Variants in RLF observed in about 807,000 individuals in gnomAD.
RLF encodes RLF zinc finger, also known as zinc finger protein Rlf.
RLF carries 7 observed loss-of-function variants against 162.9 expected under a neutral mutation model. The ratio of observed to expected loss-of-function variants is 0.04; its 90% CI spans 0.02 to 0.08. RLF has a LOEUF of 0.08. Ranked by LOEUF, RLF falls within the 10% of genes least tolerant of loss-of-function variation. RLF has a pLI of 1.00. For missense variants in RLF, 1,664 were observed against 2,244.7 expected (o/e 0.74, Z 5.23); for synonymous variants, 782 against 791.5 (o/e 0.99, Z 0.20).
At chr1:40,175,391 CT>C (rs1156935096) in intron 1 of RLF, among the ~76,000 whole-genome samples, 6 of 152,274 alleles carry the variant, frequency 3.9e-5, no homozygotes, top group African/African-American at 1.4e-4. Context: ...TGGCTCACAT[CT>C]GTAATCCCAG....
chr1:40,237,361 A>G lies in RLF; in HGVS notation c.2659A>G (p.Asn887Asp). Residue 887 changes from asparagine (N) to aspartate (D), a missense_variant, in exon 8 of 8, where the codon AAC becomes GAC. Transcript: ENST00000372771. This position sits in a 1 kb window ranked among gnomAD's most constrained non-coding sequence, Gnocchi z 4.4. ...TCAAATAGATACAGAAACTGCAGAA[A>G]ACCTGAAAGAAAACAGTGACAGTAA... ...NSQIDTETAE[N>D]LKENSDSNSS... 1.2e-6 allele frequency: 2 copies of G among 1,613,880 alleles called. No individual in the cohort carries two copies. Among genetic ancestry groups the G allele is most frequent in the Non-Finnish European group, 1.7e-6 (2 of 1,179,938 alleles).
At chr1:40,191,024 T>G (rs1033599522) in intron 3 of RLF, among the ~76,000 whole-genome samples, 171 bp downstream of exon 3, 1 of 152,030 alleles carries the variant, frequency 6.6e-6, no homozygotes, top group Non-Finnish European at 1.5e-5. Flanking sequence ...TAAAAATGGG[T>G]TTTTTAAATT....
chr1:40,207,213 A>G (rs557701832), intron 5 of RLF, among the ~76,000 whole-genome samples: 1 of 152,356 alleles, frequency 6.6e-6, no homozygotes, highest in Non-Finnish European at 1.5e-5. Context: ...TACTTATTGA[A>G]TGAATTAATG....
intron 3 of RLF, among the ~76,000 whole-genome samples, chr1:40,195,041 G>A (rs879371613): frequency 2.0e-5 from 3 of 151,486 alleles, no homozygotes; most frequent in Non-Finnish European, 2.9e-5. Context: ...TGTCATTTTG[G>A]CCACGCTGGT....
chr1:40,210,180 T>C (rs185596893), intron 5 of RLF, among the ~76,000 whole-genome samples: 77 of 152,356 alleles, frequency 5.1e-4, no homozygotes, highest in African/African-American at 1.4e-3. Flanking sequence ...GTTTTGTTTC[T>C]AATGTTGTAT....
intron 5 of RLF, among the ~76,000 whole-genome samples, chr1:40,221,744 T>TA (rs1199119802): frequency 6.6e-6 from 1 of 151,190 alleles, no homozygotes; most frequent in Non-Finnish European, 1.5e-5. Context: ...ACTAAAAATA[T>TA]AAAAAATTAG....
chr1:40,194,440 A>AC (rs1275841990), intron 3 of RLF, among the ~76,000 whole-genome samples: 1 of 152,062 alleles, frequency 6.6e-6, no homozygotes, highest in African/African-American at 2.4e-5. Context: ...GGAGTTCGAG[A>AC]CCAGCCAGGA....
Position 40,239,888 on chromosome 1 carries a change from G to A in RLF, c.5186G>A (p.Arg1729Lys). Reference sequence around the variant, plus strand: ...CCAAGGATCAAAGAATCAGAAACTAGGCAGCATAGTTCAGGGCAAGAAAAC... The same window carrying A: ...CCAAGGATCAAAGAATCAGAAACTAAGCAGCATAGTTCAGGGCAAGAAAAC... ...PLPRIKESET[R>K]QHSSGQENTV... is the part of the protein sequence containing the mutation. The change falls in exon 8 of 8, where the codon AGG becomes AAG. Residue 1729 changes from arginine to lysine, a missense_variant. Coordinates refer to ENST00000372771, the MANE Select transcript of RLF (RefSeq NM_012421.4). 2 of 1,613,802 alleles carry A rather than the reference G, an allele frequency of 1.2e-6. No individual in the cohort carries two copies. The highest frequency in any genetic ancestry group is 1.7e-6 in the Non-Finnish European group (2 of 1,180,018).
At chr1:40,215,640 G>A (rs1379251377) in intron 5 of RLF, among the ~76,000 whole-genome samples, 3 of 151,974 alleles carry the variant, frequency 2.0e-5, no homozygotes, top group African/African-American at 7.3e-5. Context: ...GAGTGCAGTG[G>A]CAGAATCATA....
chr1:40,238,107 A>G lies in RLF; in HGVS notation c.3405A>G (p.Lys1135=), dbSNP rs758740672. Residue 1135 remains lysine (K), a synonymous_variant, in exon 8 of 8, where the codon AAA becomes AAG. Transcript: ENST00000372771. This position sits in a 1 kb window ranked among gnomAD's most constrained non-coding sequence, Gnocchi z 5.2. ...KPFFCELQGC[K]YEFVTREALL... is the part of the protein sequence containing the mutation. ...TTTTCTGTGAGCTTCAAGGATGCAA[A>G]TATGAATTTGTGACCAGAGAGGCTC... is the stretch of plus-strand genomic sequence containing the variant. 3.3e-5 allele frequency: 54 copies of G among 1,613,926 alleles called. No homozygotes were observed. In the Admixed American group the frequency reaches 8.8e-4, roughly 26 times the overall value.
chr1:40,215,971 T>A (rs1642919179), intron 5 of RLF, among the ~76,000 whole-genome samples: 1 of 150,628 alleles, frequency 6.6e-6, no homozygotes. Context: ...GAATAGAAAA[T>A]CAATAAAGAA....
intron 2 of RLF, among the ~76,000 whole-genome samples, chr1:40,190,412 C>A (rs1642540117): frequency 6.6e-6 from 1 of 152,088 alleles, no homozygotes; most frequent in South Asian, 2.1e-4. Flanking sequence ...ATTTTATCAG[C>A]TGAATTGACA....
Position 40,236,562 on chromosome 1 carries a change from G to A in RLF, c.1860G>A (p.Leu620=). Residue 620 remains leucine, a synonymous_variant, in exon 8 of 8, where the codon CTG becomes CTA. Transcript: ENST00000372771. The surrounding 1 kb of genome is among the most constrained non-coding windows in gnomAD (Gnocchi z 7.7). ...GGGACCGCTCTAAAAAGAAATTACT[G>A]TTAAAAGGCTCTCAAAAGGGTATTT... is the stretch of plus-strand genomic sequence containing the variant. ...SRRDRSKKKL[L]LKGSQKGICP... is the part of the protein sequence containing the mutation. 6.2e-7 allele frequency: 1 copy of A among 1,614,120 alleles called. No individual in the cohort carries two copies. The highest frequency in any genetic ancestry group is 1.6e-4 in the Middle Eastern group (1 of 6,062).
At chr1:40,202,334 A>T (rs909438671) in intron 4 of RLF, 78 bp from the exon 5 acceptor site, 5 of 886,608 alleles carry the variant, frequency 5.6e-6, no homozygotes, top group Non-Finnish European at 6.8e-6. Flanking sequence ...AAATAAAAAG[A>T]TCTCAAACTT....
rs752385490 is a variant in RLF at position 40,161,413 on chromosome 1, A to G, written c.14A>G (p.Lys5Arg). The G allele has an allele frequency of 3.8e-5, 58 of 1,544,958 alleles. No individual in the cohort carries two copies. The highest frequency in any genetic ancestry group is 7.8e-6 in the Non-Finnish European group (9 of 1,151,628). Residue 5 changes from lysine to arginine, a missense_variant, in exon 1 of 8, where the codon AAG becomes AGG. This residue lies in a region of RLF where 134 missense variants were observed against 124.3 expected (regional missense o/e 1.08). Transcript: ENST00000372771. This position sits in a 1 kb window ranked among gnomAD's most constrained non-coding sequence, Gnocchi z 4.4. Reference protein sequence around the residue: MADGKGDAAAVAGAG... With the variant: MADGRGDAAAVAGAG... ...GGCCGTGGGAAGATGGCGGACGGAA[A>G]GGGAGACGCCGCCGCTGTCGCCGGG...
intron 1 of RLF, among the ~76,000 whole-genome samples, chr1:40,175,423 G>A (rs947373461): frequency 3.9e-5 from 6 of 152,124 alleles, no homozygotes; most frequent in African/African-American, 1.4e-4. Context: ...GGCCTAGGCA[G>A]GCGGATCATG....
At chr1:40,206,419 T>G (rs985128354) in intron 5 of RLF, among the ~76,000 whole-genome samples, 2 of 152,214 alleles carry the variant, frequency 1.3e-5, no homozygotes, top group Non-Finnish European at 2.9e-5. Flanking sequence ...AGGAATATTA[T>G]CCTTGTTGGT....
At chr1:40,212,545 A>G in intron 5 of RLF, among the ~76,000 whole-genome samples, 1 of 152,206 alleles carries the variant, frequency 6.6e-6, no homozygotes. Context: ...CAGGTTTTCA[A>G]CATAGAAAAG....
Position 40,190,388 on chromosome 1 carries a change from A to AT in RLF, c.393-381dup, listed in dbSNP as rs142127699. ...AAACCTATAGATAACAGTTACATAT[A>AT]TTTATCATTTATCATTTTATCAGCT... On this transcript the variant is annotated intron_variant, in intron 2 of 7. Coordinates refer to ENST00000372771, the MANE Select transcript of RLF (RefSeq NM_012421.4). Among the ~76,000 whole-genome samples the AT allele has an allele frequency of 3.6e-3, 553 of 152,152 alleles. 13 individuals carry two copies. Among genetic ancestry groups the AT allele is most frequent in the East Asian group, 0.032 (164 of 5,176 alleles).
Sources: allele counts gnomAD v4.1 joint callset (sites outside exome capture counted in the v4.1 genomes callset), GRCh38; gene constraint gnomAD v4.1.1; regional missense constraint gnomAD v4.1.1; non-coding constraint Gnocchi (gnomAD v3.1); transcripts MANE v1.5; gene names NCBI Gene and HGNC (gene_info 2026-07-23, HGNC 2026-07-21).